The following AP4E1 variants were observed in gnomAD, a reference collection of about 807,000 sequenced individuals.
The protein encoded by AP4E1 is AP-4 complex subunit epsilon-1.
A neutral mutation model predicts 128.2 loss-of-function variants in AP4E1; 56 were observed. The ratio of observed to expected loss-of-function variants is 0.44; its 90% CI spans 0.35 to 0.55. The LOEUF (loss-of-function observed/expected upper bound fraction) is 0.55. Among genes scored for constraint, AP4E1 ranks in the 20% least tolerant of loss-of-function variants. AP4E1 has a pLI of 0.00. For missense variants in AP4E1, 1,324 were observed against 1,307.7 expected (o/e 1.01, Z -0.19); for synonymous variants, 484 against 473.1 (o/e 1.02, Z -0.30).
At chr15:50,968,729 G>A (rs1193357002) in intron 15 of AP4E1, among the ~76,000 whole-genome samples, 1 of 152,192 alleles carries the variant, frequency 6.6e-6, no homozygotes. Flanking sequence ...CCAGGCTCAA[G>A]TGGTTCTTGT....
At chr15:50,942,617 C>T (rs1230808837) in intron 10 of AP4E1, among the ~76,000 whole-genome samples, 1 of 148,980 alleles carries the variant, frequency 6.7e-6, no homozygotes, top group Non-Finnish European at 1.5e-5. Context: ...TTATATATAA[C>T]ATAGCATATA....
chr15:50,956,666 A>T (rs2064227566), intron 13 of AP4E1, among the ~76,000 whole-genome samples: 1 of 152,100 alleles, frequency 6.6e-6, no homozygotes, highest in Non-Finnish European at 1.5e-5. Context: ...TCACTATCAC[A>T]AGAGCAGCAT....
At chr15:50,947,076 A>G (rs922298490) in intron 10 of AP4E1, among the ~76,000 whole-genome samples, 5 of 152,230 alleles carry the variant, frequency 3.3e-5, no homozygotes, top group Admixed American at 2.6e-4. Context: ...AGCCTGGGCT[A>G]CAGAGTGAGA....
At chr15:50,948,387 A>G (rs1442163220) in intron 11 of AP4E1, among the ~76,000 whole-genome samples, 1 of 127,920 alleles carries the variant, frequency 7.8e-6, no homozygotes, top group African/African-American at 3.0e-5. Context: ...GTAGTCCAGT[A>G]TTTTGAGCAG....
intron 8 of AP4E1, among the ~76,000 whole-genome samples, chr15:50,938,429 C>T (rs1363630190): frequency 6.6e-6 from 1 of 152,136 alleles, no homozygotes; most frequent in African/African-American, 2.4e-5. Context: ...AGATTTCCAT[C>T]ATCACCAGGT....
chr15:50,967,280 A>G (rs1206201287), intron 14 of AP4E1, among the ~76,000 whole-genome samples: 1 of 152,210 alleles, frequency 6.6e-6, no homozygotes, highest in Non-Finnish European at 1.5e-5. Flanking sequence ...GGAACTTGGT[A>G]GATGTGATGA....
intron 5 of AP4E1, among the ~76,000 whole-genome samples, chr15:50,928,528 TCCAC>T (rs1457446595): frequency 1.3e-5 from 2 of 152,096 alleles, no homozygotes; most frequent in Non-Finnish European, 2.9e-5. Context: ...CCTCAAGTGA[TCCAC>T]CCACCTCAGC....
At chr15:50,968,877 C>T (rs917463197) in intron 15 of AP4E1, among the ~76,000 whole-genome samples, 1 of 151,894 alleles carries the variant, frequency 6.6e-6, no homozygotes, top group African/African-American at 2.4e-5. Flanking sequence ...TTTGACCTCC[C>T]AAAGTGCTAG....
At chr15:50,918,002 AG>A (rs1250902462) in intron 3 of AP4E1, 1 of 152,650 alleles carries the variant, frequency 6.6e-6, no homozygotes, top group East Asian at 1.9e-4. Context: ...TGGGAGGTTG[AG>A]GTGGGAGGAT....
At chr15:50,949,214 C>G (rs2064110864) in intron 11 of AP4E1, among the ~76,000 whole-genome samples, 1 of 151,566 alleles carries the variant, frequency 6.6e-6, no homozygotes, top group African/African-American at 2.4e-5. Context: ...AGTTCACGAC[C>G]AGCCTGGGCA....
Position 50,950,165 on chromosome 15 carries a change from G to C in AP4E1, c.1544G>C (p.Ser515Thr), listed in dbSNP as rs2064129309. ...FYPQRFLQVMSWVLGEYSYLL... is the reference protein window; with the variant it reads ...FYPQRFLQVMTWVLGEYSYLL... Reference sequence around the variant, plus strand: ...CCACAGAGATTTCTTCAAGTTATGAGTTGGGTGAGCAAAGTACCTTAAATC... The same window carrying C: ...CCACAGAGATTTCTTCAAGTTATGACTTGGGTGAGCAAAGTACCTTAAATC... The change falls in exon 13 of 21, where the codon AGT becomes ACT. Residue 515 changes from serine to threonine, a missense_variant. Ser to Thr is a moderately conservative substitution (Grantham distance 58, BLOSUM62 1). Coordinates refer to ENST00000261842, the MANE Select transcript of AP4E1 (RefSeq NM_007347.5). 1 of 1,594,470 alleles carries C rather than the reference G, an allele frequency of 6.3e-7. No individual in the cohort carries two copies. Among genetic ancestry groups the C allele is most frequent in the Non-Finnish European group, 8.6e-7 (1 of 1,162,884 alleles).
At chr15:50,945,704 A>C (rs2064051603) in intron 10 of AP4E1, 1 of 785,622 alleles carries the variant, frequency 1.3e-6, no homozygotes, top group Non-Finnish European at 2.3e-6. Flanking sequence ...GATGAAATGA[A>C]CATTTGCCTG....
chr15:50,910,540 A>G (rs1567204302), intron 1 of AP4E1, among the ~76,000 whole-genome samples: 1 of 152,252 alleles, frequency 6.6e-6, no homozygotes, highest in Non-Finnish European at 1.5e-5. Context: ...AAGGAAAGAC[A>G]GAAAAGAAAG....
rs757657323 is a variant in AP4E1 at position 51,001,141 on chromosome 15, ACT to A, written c.3214_3215del (p.Leu1072AlafsTer10). ...AGCTGCACTTCCTTCTGCACTAAAG[ACT>A]CTGCAACAGAAACTAAGACTCCATA... Reference protein sequence around the residue: ...SQAALPSALKTLQQKLRLHII... With the variant: ...SQAALPSALKXLQQKLRLHII... On this transcript the variant is annotated frameshift_variant, in exon 20 of 21. Transcript: ENST00000261842. LOFTEE classifies it high-confidence loss of function. The A allele has an allele frequency of 1.2e-6, 2 of 1,613,592 alleles. No homozygotes were observed. Among genetic ancestry groups the A allele is most frequent in the Non-Finnish European group, 1.7e-6 (2 of 1,179,736 alleles).
At chr15:50,909,442 T>C (rs1179919703) in intron 1 of AP4E1, among the ~76,000 whole-genome samples, 1 of 152,186 alleles carries the variant, frequency 6.6e-6, no homozygotes, top group Non-Finnish European at 1.5e-5. Context: ...TTGAATATCT[T>C]TGGGGAGCTT....
intron 15 of AP4E1, among the ~76,000 whole-genome samples, chr15:50,976,471 A>G (rs1196194683): frequency 6.6e-6 from 1 of 152,218 alleles, no homozygotes; most frequent in East Asian, 1.9e-4. Flanking sequence ...TGAGATCAGG[A>G]GCAAAGCAAG....
At chr15:50,939,393 AAC>A (rs1175573574) in intron 8 of AP4E1, among the ~76,000 whole-genome samples, 1 of 152,034 alleles carries the variant, frequency 6.6e-6, no homozygotes, top group Non-Finnish European at 1.5e-5. Context: ...GAATCACTTG[AAC>A]CTGGGGGGTG....
chr15:50,964,877 A>T (rs548124109), intron 14 of AP4E1, among the ~76,000 whole-genome samples: 15 of 151,548 alleles, frequency 9.9e-5, no homozygotes, highest in Non-Finnish European at 1.9e-4. Context: ...CAGATACCTC[A>T]TGGCTTGGTG....
At chr15:50,999,795 G>A (rs1217557500) in intron 19 of AP4E1, among the ~76,000 whole-genome samples, 1 of 151,838 alleles carries the variant, frequency 6.6e-6, no homozygotes, top group Non-Finnish European at 1.5e-5. Flanking sequence ...CTGGTGTGCT[G>A]CACCCATTAA....
Sources: allele counts gnomAD v4.1 joint callset (sites outside exome capture counted in the v4.1 genomes callset), GRCh38; gene constraint gnomAD v4.1.1; transcripts MANE v1.5; gene names NCBI Gene and HGNC (gene_info 2026-07-23, HGNC 2026-07-21).